KCNK6: variants seen among roughly 807,000 people sequenced by gnomAD.
The protein encoded by KCNK6 is potassium two pore domain channel subfamily K member 6.
Under a neutral mutation model 21.9 loss-of-function variants are expected in KCNK6, and 20 were observed. The observed-to-expected ratio is 0.91, with a 90% CI of 0.64 to 1.32. KCNK6 has a LOEUF of 1.32. Among genes scored for constraint, KCNK6 ranks in the 40% most tolerant of loss-of-function variants. The pLI is 0.00. For missense variants in KCNK6, 415 were observed against 433.1 expected (o/e 0.96, Z 0.37); for synonymous variants, 210 against 218.0 (o/e 0.96, Z 0.32).
At position 38,328,970 on chromosome 19, in the gene KCNK6, TAAGA is replaced by T. The variant is rs746010451; in HGVS notation, c.*1574_*1577del. The T allele has an allele frequency of 4.0e-5, 5 of 124,236 alleles. No individual in the cohort carries two copies. The highest frequency in any genetic ancestry group is 7.9e-5 in the Admixed American group (1 of 12,722). 7.7% of individuals were successfully genotyped at this position (124,236 alleles called of 1,614,324 possible). A position where few individuals can be genotyped will look rare whatever the true frequency, so the allele number is the denominator to read the frequency against. On this transcript the variant is annotated 3_prime_UTR_variant, in exon 3 of 3. Transcript: ENST00000263372. ...AGAGAGAAAGAAAAAGAAAGAAAAG[TAAGA>T]AAGAAAAAAGAAAAAGAAAGAAAAG... is the stretch of plus-strand genomic sequence containing the variant.
In KCNK6 at chr19:38,320,020, T is replaced by C. The variant is rs556806743; in HGVS notation, c.70T>C (p.Leu24=). Residue 24 remains leucine (L), a synonymous_variant, in exon 1 of 3, where the codon TTG becomes CTG. Transcript: ENST00000263372. ...CGCGTACCTGGTGCTGGGCGCGCTG[T>C]TGGTGGCGCGGCTGGAGGGGCCGCA... The part of the protein sequence containing the change: ...YAAYLVLGAL[L]VARLEGPHEA... The C allele has an allele frequency of 3.4e-6, 5 of 1,492,050 alleles. No homozygotes were observed. Among genetic ancestry groups the C allele is most frequent in the Admixed American group, 2.3e-5 (1 of 44,186 alleles). 92.4% of individuals were successfully genotyped at this position (1,492,050 alleles called of 1,614,324 possible). A position where few individuals can be genotyped will look rare whatever the true frequency, so the allele number is the denominator to read the frequency against.
chr19:38,322,479 C>T (rs1056215039), intron 1 of KCNK6, among the ~76,000 whole-genome samples: 8 of 152,102 alleles, frequency 5.3e-5, no homozygotes, highest in African/African-American at 1.9e-4. Context: ...CTCAGCTTAA[C>T]AAGATTCTTG....
chr19:38,326,134 G>A (rs890878987), intron 1 of KCNK6, among the ~76,000 whole-genome samples: 5 of 152,194 alleles, frequency 3.3e-5, no homozygotes, highest in East Asian at 1.9e-4. Flanking sequence ...CCTGAGCGTC[G>A]AAGGACAGAG....
chr19:38,323,727 C>A (rs955989471), intron 1 of KCNK6, among the ~76,000 whole-genome samples: 2 of 152,136 alleles, frequency 1.3e-5, no homozygotes, highest in Non-Finnish European at 2.9e-5. Flanking sequence ...TGGAACCACA[C>A]GTGCACGCCA....
chr19:38,322,672 G>A (rs1262250030), intron 1 of KCNK6, among the ~76,000 whole-genome samples: 4 of 151,158 alleles, frequency 2.6e-5, no homozygotes, highest in South Asian at 2.1e-4. Context: ...AAAATCAACC[G>A]AGCATTGTGG....
chr19:38,324,250 C>T (rs1969683652), intron 1 of KCNK6, among the ~76,000 whole-genome samples: 1 of 152,120 alleles, frequency 6.6e-6, no homozygotes, highest in Non-Finnish European at 1.5e-5. Flanking sequence ...GATTTCATGT[C>T]ATTTGCAAAC....
intron 1 of KCNK6, among the ~76,000 whole-genome samples, chr19:38,324,800 C>T (rs986382149): frequency 3.9e-5 from 6 of 152,016 alleles, no homozygotes; most frequent in African/African-American, 9.7e-5. Flanking sequence ...CTATGTTACC[C>T]AGGCTGGTCT....
intron 1 of KCNK6, among the ~76,000 whole-genome samples, chr19:38,321,929 C>G (rs536493238): frequency 6.6e-6 from 1 of 152,234 alleles, no homozygotes; most frequent in Non-Finnish European, 1.5e-5. Context: ...TGCTCAGCCG[C>G]GGCTCATTGC....
In KCNK6 at chr19:38,320,046, C is replaced by T. The variant is rs1388849140; in HGVS notation, c.96C>T (p.His32=). Residue 32 remains histidine (H), a synonymous_variant, in exon 1 of 3, where the codon CAC becomes CAT. Coordinates refer to ENST00000263372, the MANE Select transcript of KCNK6 (RefSeq NM_004823.3). The part of the protein sequence containing the change: ...ALLVARLEGP[H]EARLRAELET... ...TGGTGGCGCGGCTGGAGGGGCCGCA[C>T]GAAGCCAGGCTCCGAGCCGAGCTGG... The T allele has an allele frequency of 1.1e-5, 17 of 1,503,594 alleles. No homozygotes were observed. Among genetic ancestry groups the T allele is most frequent in the African/African-American group, 1.4e-5 (1 of 68,966 alleles). The allele number at this position is 1,503,594 out of a possible 1,614,324, so 93.1% of individuals were successfully genotyped here. A position where few individuals can be genotyped will look rare whatever the true frequency, so the allele number is the denominator to read the frequency against.
At chr19:38,325,408 C>T (rs1024244101) in intron 1 of KCNK6, 1 of 985,586 alleles carries the variant, frequency 1.0e-6, no homozygotes. Flanking sequence ...AGCCACCACG[C>T]CTGGCCCATT....
chr19:38,320,071 G>C lies in KCNK6; in HGVS notation c.121G>C (p.Glu41Gln), dbSNP rs1257400935. 1 of 1,526,966 alleles carries C rather than the reference G, an allele frequency of 6.5e-7. No homozygotes were observed. Among genetic ancestry groups the C allele is most frequent in the Non-Finnish European group, 8.7e-7 (1 of 1,143,868 alleles). The allele number at this position is 1,526,966 out of a possible 1,614,324, so 94.6% of individuals were successfully genotyped here. The change falls in exon 1 of 3, where the codon GAG (glutamate) becomes CAG (glutamine). Residue 41 changes from glutamate to glutamine, a missense_variant. Physicochemically the swap from Glu to Gln is conservative, Grantham distance 29. Transcript: ENST00000263372. Reference protein sequence around the residue: ...PHEARLRAELETLRAQLLQRS... With the variant: ...PHEARLRAELQTLRAQLLQRS... ...CGAAGCCAGGCTCCGAGCCGAGCTG[G>C]AGACGCTGCGGGCGCAGCTGCTTCA... is the stretch of plus-strand genomic sequence containing the variant.
intron 1 of KCNK6, chr19:38,325,556 A>G: frequency 1.0e-6 from 1 of 984,334 alleles, no homozygotes; most frequent in Non-Finnish European, 1.2e-6. Flanking sequence ...GCTTTGCTGA[A>G]CTGGCAGCCT....
intron 1 of KCNK6, among the ~76,000 whole-genome samples, chr19:38,321,372 C>T (rs899419633): frequency 2.6e-5 from 4 of 152,218 alleles, no homozygotes; most frequent in Non-Finnish European, 5.9e-5. Flanking sequence ...TTGACATCTC[C>T]CCTATATGGG....
At position 38,323,361 on chromosome 19, in the gene KCNK6, G is replaced by A. The variant is rs542736343; in HGVS notation, c.322+3089G>A. ...TGGAGAAGTGGAAAACCAATTAAAC[G>A]TGATTCAGAGAGACCTCTTCCCACA... is the stretch of plus-strand genomic sequence containing the variant. On this transcript the variant is annotated intron_variant, in intron 1 of 2. Transcript: ENST00000263372. Among the ~76,000 whole-genome samples the A allele has an allele frequency of 5.3e-5, 8 of 152,316 alleles. No homozygotes were observed. In the East Asian group the frequency reaches 1.5e-3, roughly 29 times the overall value.
chr19:38,325,707 C>A, intron 1 of KCNK6: 1 of 207,242 alleles, frequency 4.8e-6, no homozygotes, highest in Non-Finnish European at 8.4e-6. Context: ...TGAAGAAGAC[C>A]TGGAGAGGAG....
At chr19:38,323,752 TTTTTTTA>T (rs1969678295) in intron 1 of KCNK6, among the ~76,000 whole-genome samples, 1 of 152,152 alleles carries the variant, frequency 6.6e-6, no homozygotes, top group South Asian at 2.1e-4. Context: ...ACCCAGCTAA[TTTTTTTA>T]TTTTTTATTT....
intron 1 of KCNK6, among the ~76,000 whole-genome samples, chr19:38,323,092 G>A (rs928792483): frequency 5.9e-5 from 9 of 152,146 alleles, no homozygotes; most frequent in Non-Finnish European, 1.0e-4. Context: ...CAGGCTGGGC[G>A]TTAGAGCAAG....
At position 38,330,316 on chromosome 19, in the gene KCNK6, ACT is replaced by A. The variant is rs956805965; in HGVS notation, c.*2916_*2917del. The A allele has an allele frequency of 2.1e-5, 3 of 146,164 alleles. No homozygotes were observed. Among genetic ancestry groups the A allele is most frequent in the Non-Finnish European group, 3.0e-5 (2 of 67,000 alleles). The allele number at this position is 146,164 out of a possible 1,614,324, so 9.1% of individuals were successfully genotyped here. A position where few individuals can be genotyped will look rare whatever the true frequency, so the allele number is the denominator to read the frequency against. On this transcript the variant is annotated 3_prime_UTR_variant, in exon 3 of 3. Transcript: ENST00000263372. The stretch of plus-strand genomic sequence containing the variant: ...GTACTCCAGCCTGGGCGAAACAGAG[ACT>A]CTGTCTCAAAAAAAAAAAAAAAGTC...
Position 38,327,271 on chromosome 19 carries a change from G to A in KCNK6, c.810G>A (p.Leu270=). ...SDLHGLTELI[L]LPPPCPASFN... ...TCCACGGCCTCACGGAGCTCATCCT[G>A]CTGCCCCCTCCGTGCCCTGCCAGTT... is the stretch of plus-strand genomic sequence containing the variant. The change falls in exon 3 of 3, where the codon CTG becomes CTA. Residue 270 remains leucine, a synonymous_variant. Transcript: ENST00000263372. 1.2e-6 allele frequency: 2 copies of A among 1,613,642 alleles called. No homozygotes were observed. The highest frequency in any genetic ancestry group is 1.7e-6 in the Non-Finnish European group (2 of 1,180,028).
Sources: gnomAD v4.1 joint callset for allele counts (sites outside exome capture counted in the v4.1 genomes callset) on GRCh38, gnomAD v4.1.1 for gene constraint, MANE v1.5 for transcripts, NCBI Gene and HGNC (gene_info 2026-07-23, HGNC 2026-07-21) for gene names.